The following L3MBTL3 variants were observed in gnomAD, a reference collection of about 807,000 sequenced individuals.
L3MBTL3 encodes the protein lethal(3)malignant brain tumor-like protein 3.
Under a neutral mutation model 102.3 loss-of-function variants are expected in L3MBTL3, and 27 were observed. The ratio of observed to expected loss-of-function variants is 0.26; its 90% CI spans 0.19 to 0.36. The LOEUF (loss-of-function observed/expected upper bound fraction) is 0.36. Ranked by LOEUF, L3MBTL3 falls within the 10% of genes least tolerant of loss-of-function variation. The probability of loss-of-function intolerance (pLI) is 1.00; values close to 1 mark genes in which losing one functional copy is unlikely to be tolerated. For missense variants in L3MBTL3, 798 were observed against 955.3 expected, an observed-to-expected ratio of 0.84 and a Z score of 2.17; for synonymous variants, 340 against 320.9, an observed-to-expected ratio of 1.06 and a Z score of -0.64.
chr6:130,069,811 C>G (rs1177293625), intron 12 of L3MBTL3, among the ~76,000 whole-genome samples: 1 of 152,186 alleles, frequency 6.6e-6, no homozygotes, highest in Non-Finnish European at 1.5e-5. Context: ...CATTTCGTAT[C>G]TAAGAGACAA....
rs762528521 is a variant in L3MBTL3, at chr6:130,057,441, G to A, written c.703G>A (p.Ala235Thr). 1.2e-6 allele frequency: 2 copies of A among 1,611,126 alleles called. No homozygotes were observed. The highest frequency in any genetic ancestry group is 1.7e-6 in the Non-Finnish European group (2 of 1,179,192). The stretch of plus-strand genomic sequence containing the variant: ...TAAAGGAAAGAAAGCGTGGTGCTGG[G>A]CATCCTACCTGGAAGAGGAGAAAGC... Reference protein sequence around the residue: ...PPKGKKAWCWASYLEEEKAVA... With the variant: ...PPKGKKAWCWTSYLEEEKAVA... Residue 235 changes from alanine (A) to threonine (T), a missense_variant, in exon 9 of 23, where the codon GCA (alanine) becomes ACA (threonine). Around this residue, in one of 4 missense-constraint regions of L3MBTL3, gnomAD observed 434 missense variants for 506.6 expected, o/e 0.86. Transcript: ENST00000361794.
chr6:130,085,411 G>A (rs1783621852), intron 15 of L3MBTL3, among the ~76,000 whole-genome samples: 1 of 152,022 alleles, frequency 6.6e-6, no homozygotes, highest in South Asian at 2.1e-4. Context: ...TCTCATCTCA[G>A]CCACTTTAAT....
At chr6:130,054,949 A>ACG in intron 7 of L3MBTL3, 1 of 484,344 alleles carries the variant, frequency 2.1e-6, no homozygotes, top group South Asian at 2.1e-5. Flanking sequence ...AGCGGTGTCC[A>ACG]TGCCCTTCCA....
rs1783681351 is a variant in L3MBTL3, at chr6:130,086,269, G to A, written c.1518+19G>A. The A allele has an allele frequency of 6.7e-7, 1 of 1,500,910 alleles. No individual in the cohort carries two copies. The highest frequency in any genetic ancestry group is 9.1e-7 in the Non-Finnish European group (1 of 1,092,956). The allele number at this position is 1,500,910 out of a possible 1,614,324, so 93.0% of individuals were successfully genotyped here. ...GGTAAAAGTAAGTGTTCTGTGTGGG[G>A]GGTTGGCTTTGTCTTTTGTTATAAG... On this transcript the variant is annotated intron_variant, in intron 16 of 22. Coordinates refer to ENST00000361794, the MANE Select transcript of L3MBTL3 (RefSeq NM_032438.4).
intron 5 of L3MBTL3, among the ~76,000 whole-genome samples, chr6:130,050,379 G>A (rs1781024493): frequency 6.6e-6 from 1 of 152,182 alleles, no homozygotes; most frequent in Non-Finnish European, 1.5e-5. Context: ...CACATCATGT[G>A]GTTTCATGCT....
intron 15 of L3MBTL3, 42 bp from the exon 16 acceptor site, chr6:130,086,098 C>G (rs1370558372): frequency 4.6e-6 from 6 of 1,301,316 alleles, no homozygotes; most frequent in Middle Eastern, 1.8e-4. Context: ...TTTACCTTCT[C>G]TTCCTCTTTA....
intron 13 of L3MBTL3, among the ~76,000 whole-genome samples, chr6:130,073,543 T>G (rs1782763736): frequency 6.6e-6 from 1 of 152,166 alleles, no homozygotes; most frequent in South Asian, 2.1e-4. Context: ...TTGAACAAAA[T>G]AGGTGAATGT....
At chr6:130,079,586 A>G (rs997483139) in intron 14 of L3MBTL3, among the ~76,000 whole-genome samples, 3 of 152,166 alleles carry the variant, frequency 2.0e-5, no homozygotes, top group Non-Finnish European at 2.9e-5. Flanking sequence ...GCAGTAGACA[A>G]TTGCTTAGTG....
chr6:130,094,775 G>C (rs961080205), intron 18 of L3MBTL3, among the ~76,000 whole-genome samples: 14 of 152,072 alleles, frequency 9.2e-5, no homozygotes, highest in Non-Finnish European at 1.3e-4. Flanking sequence ...TAACAGCAAA[G>C]ATCACAAAAT....
intron 7 of L3MBTL3, among the ~76,000 whole-genome samples, chr6:130,053,882 A>G (rs916045158): frequency 1.3e-5 from 2 of 152,210 alleles, no homozygotes; most frequent in African/African-American, 4.8e-5. Context: ...GGGATGCATA[A>G]GACAAATAGA....
intron 14 of L3MBTL3, 133 bp downstream of exon 14, chr6:130,078,767 A>G: frequency 3.3e-6 from 2 of 600,534 alleles, no homozygotes; most frequent in Admixed American, 3.0e-5. Flanking sequence ...TACTCAAAAC[A>G]GTTGTAGTGC....
chr6:130,071,147 G>C lies in L3MBTL3; in HGVS notation c.1244+20G>C, dbSNP rs1286456305. ...CTATTGGTGAGACATTTTCTGTTGT[G>C]TGCTTTTAAAAATTTAATATTTATC... On this transcript the variant is annotated intron_variant, in intron 13 of 22. Coordinates refer to ENST00000361794, the MANE Select transcript of L3MBTL3 (RefSeq NM_032438.4). The C allele has an allele frequency of 1.3e-6, 2 of 1,596,520 alleles. No homozygotes were observed. Among genetic ancestry groups the C allele is most frequent in the Non-Finnish European group, 1.7e-6 (2 of 1,170,636 alleles).
At chr6:130,069,452 A>C (rs1458008840) in intron 12 of L3MBTL3, among the ~76,000 whole-genome samples, 1 of 152,244 alleles carries the variant, frequency 6.6e-6, no homozygotes, top group Non-Finnish European at 1.5e-5. Flanking sequence ...AACACAAACC[A>C]GGTTGGATTA....
chr6:130,030,360 G>T (rs902428343), intron 2 of L3MBTL3, among the ~76,000 whole-genome samples: 5 of 151,932 alleles, frequency 3.3e-5, no homozygotes, highest in African/African-American at 1.2e-4. Flanking sequence ...CTAGTAAATT[G>T]TGAAGCTAAG....
chr6:130,137,524 T>C (rs1446886261), intron 22 of L3MBTL3: 1 of 152,172 alleles, frequency 6.6e-6, no homozygotes, highest in African/African-American at 2.4e-5. Flanking sequence ...TTCTTTCTAG[T>C]GTATGTAACC....
At chr6:130,054,526 A>G (rs757645928) in intron 7 of L3MBTL3, among the ~76,000 whole-genome samples, 41 of 152,308 alleles carry the variant, frequency 2.7e-4, no homozygotes, top group Non-Finnish European at 5.0e-4. Flanking sequence ...TAGGGTTGTC[A>G]GAGTGTGTGA....
Position 130,061,254 on chromosome 6 carries a change from T to G in L3MBTL3, c.864+1114T>G, listed in dbSNP as rs548611233. The stretch of plus-strand genomic sequence containing the variant: ...CGCGTGCCACCTTGCCTGGCTAGTT[T>G]TTATATTTTTAGTAGAGATGAGGTT... On this transcript the variant is annotated intron_variant, in intron 10 of 22. Coordinates refer to ENST00000361794, the MANE Select transcript of L3MBTL3 (RefSeq NM_032438.4). 5.6e-4 allele frequency among the ~76,000 whole-genome samples: 85 copies of G among 152,198 alleles called. 3 individuals carry two copies. The South Asian group carries it at 0.017, about 30-fold the overall frequency.
intron 5 of L3MBTL3, among the ~76,000 whole-genome samples, chr6:130,050,461 T>G (rs943114988): frequency 1.3e-5 from 2 of 152,254 alleles, no homozygotes; most frequent in Non-Finnish European, 2.9e-5. Context: ...GGTAAATTCC[T>G]CTTTGGCCTT....
intron 18 of L3MBTL3, 36 bp downstream of exon 18, chr6:130,094,403 G>C (rs1385899435): frequency 7.1e-7 from 1 of 1,417,992 alleles, no homozygotes; most frequent in Non-Finnish European, 9.9e-7. Flanking sequence ...GTCAGATATA[G>C]GTGTTCCATA....
Sources: allele counts gnomAD v4.1 joint callset (sites outside exome capture counted in the v4.1 genomes callset), GRCh38; gene constraint gnomAD v4.1.1; regional missense constraint gnomAD v4.1.1; transcripts MANE v1.5; gene names NCBI Gene and HGNC (gene_info 2026-07-23, HGNC 2026-07-21).